The following SMURF1 variants were observed in gnomAD, a reference collection of about 807,000 sequenced individuals.
The protein encoded by SMURF1 is SMAD specific E3 ubiquitin protein ligase 1, also known as E3 ubiquitin-protein ligase SMURF1.
Under a neutral mutation model 98.0 loss-of-function variants are expected in SMURF1, and 44 were observed. That is an observed-to-expected ratio of 0.45 (90% confidence interval 0.35 to 0.58). The LOEUF is 0.58. Among genes scored for constraint, SMURF1 ranks in the 20% least tolerant of loss-of-function variants. SMURF1 has a pLI of 0.00. For synonymous variants in SMURF1, 396 were observed against 374.9 expected, an observed-to-expected ratio of 1.06 and a Z score of -0.65; for missense variants, 687 against 938.4, an observed-to-expected ratio of 0.73 and a Z score of 3.50.
At chr7:99,106,909 G>A (rs1290063495) in intron 1 of SMURF1, among the ~76,000 whole-genome samples, 2 of 152,220 alleles carry the variant, frequency 1.3e-5, no homozygotes, top group Non-Finnish European at 2.9e-5. Context: ...CTACTGCGGT[G>A]AAGATGAAAT....
At chr7:99,083,358 T>C (rs1796611169) in intron 1 of SMURF1, among the ~76,000 whole-genome samples, 1 of 152,234 alleles carries the variant, frequency 6.6e-6, no homozygotes, top group Non-Finnish European at 1.5e-5. Context: ...AAAAAGACAC[T>C]GTTTAGATAA....
intron 1 of SMURF1, among the ~76,000 whole-genome samples, chr7:99,071,162 C>T (rs1482128420): frequency 2.0e-5 from 3 of 151,712 alleles, no homozygotes; most frequent in South Asian, 2.1e-4. Flanking sequence ...CAGGTTCAAG[C>T]GATCCTCCTG....
intron 1 of SMURF1, among the ~76,000 whole-genome samples, chr7:99,126,803 A>G (rs575919725): frequency 2.2e-4 from 34 of 152,370 alleles, no homozygotes; most frequent in South Asian, 1.7e-3. Flanking sequence ...TTTGTTCTTA[A>G]GCATTTGATC....
intron 13 of SMURF1, 21 bp downstream of exon 13, chr7:99,040,357 C>G (rs777562189): frequency 2.1e-6 from 3 of 1,456,026 alleles, no homozygotes; most frequent in Non-Finnish European, 2.7e-6. Context: ...GCCAGGTGAC[C>G]GGCCGTCAGT....
intron 17 of SMURF1, among the ~76,000 whole-genome samples, chr7:99,031,892 G>T (rs552664525): frequency 6.6e-6 from 1 of 152,188 alleles, no homozygotes; most frequent in South Asian, 2.1e-4. Context: ...GTGGCTACTC[G>T]TCTCAATGGA....
chr7:99,087,013 C>T (rs530056210), intron 1 of SMURF1, among the ~76,000 whole-genome samples: 30 of 152,056 alleles, frequency 2.0e-4, no homozygotes, highest in African/African-American at 5.1e-4. Context: ...TGTGGATATA[C>T]GGAAAATACT....
At chr7:99,064,344 A>C (rs950841929) in intron 1 of SMURF1, among the ~76,000 whole-genome samples, 2 of 152,106 alleles carry the variant, frequency 1.3e-5, no homozygotes, top group Non-Finnish European at 2.9e-5. Context: ...AAGAATTTGT[A>C]TTAATTCTTC....
At chr7:99,143,097 G>A (rs1798168329) in intron 1 of SMURF1, among the ~76,000 whole-genome samples, 1 of 148,670 alleles carries the variant, frequency 6.7e-6, no homozygotes. Flanking sequence ...AGAAGCGAGG[G>A]AGCTGGACGC....
intron 1 of SMURF1, among the ~76,000 whole-genome samples, chr7:99,085,353 C>CAAAAAAAAAAAAAAAAAAAAA (rs992976220): frequency 3.8e-5 from 2 of 52,312 alleles, no homozygotes; most frequent in African/African-American, 8.1e-5. Context: ...AACTCCATCT[C>CAAAAAAAAAAAAAAAAAAAAA]AAAAAAAAAA....
At chr7:99,092,534 C>A (rs575956890) in intron 1 of SMURF1, among the ~76,000 whole-genome samples, 2 of 152,314 alleles carry the variant, frequency 1.3e-5, no homozygotes, top group South Asian at 4.1e-4. Flanking sequence ...AACAACGCGC[C>A]TTCTCGTTTC....
chr7:99,038,590 C>G lies in SMURF1; in HGVS notation c.1551-65G>C, dbSNP rs1049614927. The G allele has an allele frequency of 7.6e-6, 12 of 1,568,882 alleles. No homozygotes were observed. The South Asian group carries it at 1.3e-4, about 17-fold the overall frequency. ...CCACCACGCGGGGCCATTGGGTAGA[C>G]AGAAAACATTTACGACTGCCAAACC... On this transcript the variant is annotated intron_variant, in intron 13 of 17. Coordinates refer to ENST00000361368, the MANE Select transcript of SMURF1 (RefSeq NM_181349.3).
intron 6 of SMURF1, among the ~76,000 whole-genome samples, chr7:99,053,725 G>A (rs531542825): frequency 6.6e-6 from 1 of 152,202 alleles, no homozygotes; most frequent in African/African-American, 2.4e-5. Flanking sequence ...TGTTAATGTT[G>A]GATCATCTCT....
intron 1 of SMURF1, among the ~76,000 whole-genome samples, chr7:99,138,079 A>C (rs922418108): frequency 2.0e-5 from 3 of 149,906 alleles, no homozygotes; most frequent in Non-Finnish European, 4.4e-5. Context: ...CAAAATAACA[A>C]ACCAGTAATT....
chr7:99,040,201 TG>T (rs1359452565), intron 13 of SMURF1, among the ~76,000 whole-genome samples, 176 bp downstream of exon 13: 2 of 150,906 alleles, frequency 1.3e-5, no homozygotes, highest in African/African-American at 5.0e-5. Flanking sequence ...TGGACTGAAT[TG>T]ATCTGCCCGC....
chr7:99,069,962 C>T (rs1000624783), intron 1 of SMURF1, among the ~76,000 whole-genome samples: 8 of 152,358 alleles, frequency 5.3e-5, no homozygotes, highest in Admixed American at 5.2e-4. Flanking sequence ...ACCCACCGGC[C>T]ATGCCTATTG....
intron 17 of SMURF1, among the ~76,000 whole-genome samples, chr7:99,031,892 G>A (rs552664525): frequency 1.3e-4 from 20 of 152,306 alleles, no homozygotes; most frequent in African/African-American, 4.6e-4. Context: ...GTGGCTACTC[G>A]TCTCAATGGA....
intron 1 of SMURF1, among the ~76,000 whole-genome samples, chr7:99,099,250 C>T (rs1327889741): frequency 2.1e-5 from 3 of 142,984 alleles, no homozygotes; most frequent in African/African-American, 5.3e-5. Context: ...AACTCTGGCA[C>T]GGGAGTAGAA....
At chr7:99,041,574 C>T (rs183258215) in intron 12 of SMURF1, among the ~76,000 whole-genome samples, 13 of 152,318 alleles carry the variant, frequency 8.5e-5, no homozygotes, top group Middle Eastern at 3.4e-3. Context: ...GAGCCTGTCC[C>T]GACTTCGCCT....
At chr7:99,081,703 A>T (rs1796580458) in intron 1 of SMURF1, among the ~76,000 whole-genome samples, 1 of 152,174 alleles carries the variant, frequency 6.6e-6, no homozygotes, top group Non-Finnish European at 1.5e-5. Flanking sequence ...CCCAGGCTGG[A>T]GTGCAGTGGT....
Sources: gnomAD v4.1 joint callset for allele counts (sites outside exome capture counted in the v4.1 genomes callset) on GRCh38, gnomAD v4.1.1 for gene constraint, MANE v1.5 for transcripts, NCBI Gene and HGNC (gene_info 2026-07-23, HGNC 2026-07-21) for gene names.